SYTL2: variants seen among roughly 807,000 people sequenced by gnomAD.
SYTL2 encodes the protein synaptotagmin like 2, also known as synaptotagmin-like protein 2.
SYTL2 carries 165 observed loss-of-function variants against 198.7 expected under a neutral mutation model. That is an observed-to-expected ratio of 0.83 (90% confidence interval 0.73 to 0.94). The LOEUF (loss-of-function observed/expected upper bound fraction) is 0.94. Ranked by LOEUF, SYTL2 falls within the 40% of genes least tolerant of loss-of-function variation. The pLI is 0.00. For synonymous variants in SYTL2, 966 were observed against 917.7 expected, an observed-to-expected ratio of 1.05 and a Z score of -0.95; for missense variants, 2,835 against 2,582.8, an observed-to-expected ratio of 1.10 and a Z score of -2.12.
chr11:85,775,871 C>T (rs1163160073), intron 1 of SYTL2, among the ~76,000 whole-genome samples: 1 of 152,186 alleles, frequency 6.6e-6, no homozygotes, highest in Admixed American at 6.5e-5. Flanking sequence ...GCTGAGAACA[C>T]ATTTGTAAAG....
chr11:85,812,839 G>C (rs1197192406), upstream of SYTL2, among the ~76,000 whole-genome samples: 1 of 152,212 alleles, frequency 6.6e-6, no homozygotes, highest in Non-Finnish European at 1.5e-5. Flanking sequence ...TCCTGTTGGT[G>C]ATGGCTGTTG....
intron 7 of SYTL2, among the ~76,000 whole-genome samples, chr11:85,729,387 G>A (rs538027246): frequency 6.6e-5 from 10 of 152,088 alleles, no homozygotes; most frequent in African/African-American, 1.7e-4. Context: ...AATAACAAAC[G>A]GTCTCTCAGA....
intron 1 of SYTL2, among the ~76,000 whole-genome samples, chr11:85,790,261 G>C (rs2092710091): frequency 6.6e-6 from 1 of 152,126 alleles, no homozygotes; most frequent in Non-Finnish European, 1.5e-5. Flanking sequence ...TTTCAGATTA[G>C]AGATGCTCAA....
intron 4 of SYTL2, among the ~76,000 whole-genome samples, chr11:85,742,508 C>A (rs1272522906): frequency 1.3e-5 from 2 of 152,188 alleles, no homozygotes; most frequent in African/African-American, 4.8e-5. Flanking sequence ...AATGTGCTAT[C>A]AGCATATGGT....
Position 85,726,925 on chromosome 11 carries a change from T to C in SYTL2, c.2433A>G (p.Glu811=). The change falls in exon 8 of 20, where the codon GAA becomes GAG. Residue 811 remains glutamate (E), a synonymous_variant. Transcript: ENST00000359152. ...GEKAGAKITH[E]KPTSSCSQEQ... is the part of the protein sequence containing the mutation. ...CCTGGCTACATGAAGATGTGGGTTT[T>C]TCATGAGTTATCTTAGCACCAGCTT... 1.3e-6 allele frequency: 2 copies of C among 1,536,552 alleles called. No homozygotes were observed. The highest frequency in any genetic ancestry group is 2.4e-5 in the South Asian group (2 of 83,982).
chr11:85,833,372 T>TATATA, the SYTL2 span, among the ~76,000 whole-genome samples: 1 of 147,354 alleles, frequency 6.8e-6, no homozygotes, highest in East Asian at 2.0e-4. Context: ...ATGAGATATA[T>TATATA]GATATATCTC....
chr11:85,745,565 C>G, intron 4 of SYTL2, 72 bp downstream of exon 4: 1 of 1,532,624 alleles, frequency 6.5e-7, no homozygotes, highest in Non-Finnish European at 8.9e-7. Context: ...TCATAGCCTG[C>G]CATTCTGCCC....
chr11:85,705,881 T>C (rs1389152103), intron 15 of SYTL2, among the ~76,000 whole-genome samples: 2 of 152,218 alleles, frequency 1.3e-5, no homozygotes, highest in East Asian at 3.8e-4. Context: ...ATTAAAAACT[T>C]GGTACAAAAA....
chr11:85,798,263 A>G (rs1386957265), intron 1 of SYTL2, among the ~76,000 whole-genome samples: 2 of 152,148 alleles, frequency 1.3e-5, no homozygotes, highest in Non-Finnish European at 2.9e-5. Flanking sequence ...AAAGTTTGAA[A>G]TTTTAAAGCT....
At chr11:85,789,415 T>G (rs1193999667) in intron 1 of SYTL2, among the ~76,000 whole-genome samples, 10 of 130,122 alleles carry the variant, frequency 7.7e-5, no homozygotes, top group African/African-American at 2.0e-4. Context: ...TTTTTTTTTT[T>G]GTAGAGACAA....
chr11:85,772,568 G>C (rs2092377151), intron 1 of SYTL2, among the ~76,000 whole-genome samples: 1 of 152,184 alleles, frequency 6.6e-6, no homozygotes, highest in African/African-American at 2.4e-5. Flanking sequence ...TCATATTCCA[G>C]AAGGACCTTC....
chr11:85,708,908 C>G (rs1243431614), intron 14 of SYTL2, among the ~76,000 whole-genome samples: 1 of 138,910 alleles, frequency 7.2e-6, no homozygotes, highest in Non-Finnish European at 1.5e-5. Context: ...TGCAGTGGCC[C>G]GATCTCAGCT....
intron 12 of SYTL2, among the ~76,000 whole-genome samples, chr11:85,713,101 CT>C (rs2086601788): frequency 1.3e-5 from 2 of 152,148 alleles, no homozygotes; most frequent in Admixed American, 1.3e-4. Context: ...ATGAGTGATT[CT>C]TTCCAAAGGA....
Position 85,704,872 on chromosome 11 carries a change from G to C in SYTL2, c.6175C>G (p.Pro2059Ala). 1 of 1,612,602 alleles carries C rather than the reference G, an allele frequency of 6.2e-7. No homozygotes were observed. The highest frequency in any genetic ancestry group is 8.5e-7 in the Non-Finnish European group (1 of 1,179,140). ...NKQNKQLRWY[P>A]LKRKTAPVAL... ...TCCGGACTCACCTTCCGCTTCAGAG[G>C]GTACCATCTCAATTGTTTATTCTGT... The change falls in exon 16 of 20, where the codon CCT becomes GCT. Residue 2059 changes from proline to alanine, a missense_variant. This residue lies in a region of SYTL2 where 2,645 missense variants were observed against 2,381.7 expected (regional missense o/e 1.11). Coordinates refer to ENST00000359152, the MANE Select transcript of SYTL2 (RefSeq NM_206927.4).
intron 4 of SYTL2, among the ~76,000 whole-genome samples, chr11:85,744,110 C>T (rs966312834): frequency 3.3e-5 from 5 of 151,940 alleles, no homozygotes; most frequent in African/African-American, 1.2e-4. Flanking sequence ...GGGGAGTCAC[C>T]CAGGGGGACA....
chr11:85,797,838 T>TTTG (rs532015361), intron 1 of SYTL2, among the ~76,000 whole-genome samples: 49 of 151,216 alleles, frequency 3.2e-4, no homozygotes, highest in Admixed American at 9.2e-4. Flanking sequence ...CCACAAAGTT[T>TTTG]TTGTTGTTGT....
At chr11:85,702,929 A>C (rs181409669) in intron 16 of SYTL2, among the ~76,000 whole-genome samples, 30 of 152,344 alleles carry the variant, frequency 2.0e-4, no homozygotes, top group African/African-American at 7.0e-4. Context: ...AAGATAGAGA[A>C]TTTTAGGAGA....
intron 2 of SYTL2, 126 bp downstream of exon 2, chr11:85,757,499 T>C: frequency 1.9e-6 from 2 of 1,070,790 alleles, no homozygotes; most frequent in Non-Finnish European, 1.3e-6. Context: ...AAACCTAAAA[T>C]TGGAATCCAT....
At chr11:85,773,116 ACTTTC>A (rs966199827) in intron 1 of SYTL2, among the ~76,000 whole-genome samples, 2 of 152,138 alleles carry the variant, frequency 1.3e-5, no homozygotes, top group African/African-American at 2.4e-5. Flanking sequence ...TGAGTGTTTC[ACTTTC>A]CTTTCCTTTC....
Sources: gnomAD v4.1 joint callset for allele counts (sites outside exome capture counted in the v4.1 genomes callset) on GRCh38, gnomAD v4.1.1 for gene constraint, gnomAD v4.1.1 regional missense constraint, MANE v1.5 for transcripts, NCBI Gene and HGNC (gene_info 2026-07-23, HGNC 2026-07-21) for gene names.